Variants in PCDHGB4 observed in about 807,000 individuals in gnomAD.
PCDHGB4 encodes protocadherin gamma subfamily B, 4, also known as protocadherin gamma-B4.
In PCDHGB4, 38 loss-of-function variants were observed where a neutral mutation model predicts 60.5. That is an observed-to-expected ratio of 0.63 (90% CI 0.48 to 0.82). The LOEUF is 0.82. PCDHGB4 is among the 40% of genes least tolerant of loss of function. The pLI, the probability that PCDHGB4 is intolerant of heterozygous loss-of-function variation, is 0.00. For synonymous variants in PCDHGB4, 456 were observed against 509.7 expected (o/e 0.89, Z 1.42); for missense variants, 1,109 against 1,209.6 (o/e 0.92, Z 1.23).
Position 141,491,819 on chromosome 5 carries a change from G to C in PCDHGB4, c.2398-2988G>C. The C allele has an allele frequency of 6.7e-7, 1 of 1,482,028 alleles. No individual in the cohort carries two copies. Among genetic ancestry groups the C allele is most frequent in the Non-Finnish European group, 9.0e-7 (1 of 1,116,648 alleles). The allele number at this position is 1,482,028 out of a possible 1,614,324, so 91.8% of individuals were successfully genotyped here. A position where few individuals can be genotyped will look rare whatever the true frequency, so the allele number is the denominator to read the frequency against. On this transcript the variant is annotated intron_variant, in intron 1 of 3. Transcript: ENST00000519479. This position sits in a 1 kb window ranked among gnomAD's most constrained non-coding sequence, Gnocchi z 6.9. ...TCCGGCCGGCTTGGTCGCTGGCTGCGCTCCACCCGATTCTCGGGATCATTG... is the reference window on the plus strand; with the variant it reads ...TCCGGCCGGCTTGGTCGCTGGCTGCCCTCCACCCGATTCTCGGGATCATTG...
At chr5:141,463,784 T>G (rs2099069378) in intron 1 of PCDHGB4, among the ~76,000 whole-genome samples, 1 of 152,194 alleles carries the variant, frequency 6.6e-6, no homozygotes, top group South Asian at 2.1e-4. Context: ...CTGCACTGTC[T>G]TTTGAACAAA....
chr5:141,478,213 C>A (rs2099439229), intron 1 of PCDHGB4: 1 of 1,614,000 alleles, frequency 6.2e-7, no homozygotes, highest in Non-Finnish European at 8.5e-7. Context: ...TTTCTCTAAT[C>A]CTGGTTTCTG....
At chr5:141,401,296 C>A (rs2094138441) in intron 1 of PCDHGB4, among the ~76,000 whole-genome samples, 1 of 152,104 alleles carries the variant, frequency 6.6e-6, no homozygotes, top group Non-Finnish European at 1.5e-5. Flanking sequence ...GAGCCGAGAT[C>A]ACTCCATTGC....
In PCDHGB4 at chr5:141,432,129, A is replaced by T. The variant is rs758099753; in HGVS notation, c.2397+41848A>T. The T allele has an allele frequency of 6.2e-6, 10 of 1,614,054 alleles. No individual in the cohort carries two copies. In the South Asian group the frequency reaches 8.8e-5, roughly 14 times the overall value. On this transcript the variant is annotated intron_variant, in intron 1 of 3. Transcript: ENST00000519479. This position sits in a 1 kb window ranked among gnomAD's most constrained non-coding sequence, Gnocchi z 6.0. ...CCGCCGGTCTTCCCTCAGGCCTCCTATTCCGCTTATATCCCAGAGAACAAT... is the reference window on the plus strand; with the variant it reads ...CCGCCGGTCTTCCCTCAGGCCTCCTTTTCCGCTTATATCCCAGAGAACAAT...
rs1244735686 is a variant in PCDHGB4 at position 141,432,142 on chromosome 5, C to A, written c.2397+41861C>A. 1 of 1,614,098 alleles carries A rather than the reference C, an allele frequency of 6.2e-7. No homozygotes were observed. The highest frequency in any genetic ancestry group is 1.1e-5 in the South Asian group (1 of 91,066). On this transcript the variant is annotated intron_variant, in intron 1 of 3. Transcript: ENST00000519479. This position sits in a 1 kb window ranked among gnomAD's most constrained non-coding sequence, Gnocchi z 6.0. ...CTCAGGCCTCCTATTCCGCTTATAT[C>A]CCAGAGAACAATCCCAGAGGAGTTT...
Position 141,389,501 on chromosome 5 carries a change from G to A in PCDHGB4, c.1617G>A (p.Ala539=), listed in dbSNP as rs752472089. 3.7e-6 allele frequency: 6 copies of A among 1,613,066 alleles called. No homozygotes were observed. The highest frequency in any genetic ancestry group is 5.1e-6 in the Non-Finnish European group (6 of 1,179,748). ...TLQARDQGSP[A]LSANVSLRVL... ...AGGCCCGCGACCAGGGCTCGCCAGC[G>A]CTCAGCGCGAACGTGAGCCTGCGCG... The change falls in exon 1 of 4, where the codon GCG becomes GCA. Residue 539 remains alanine, a synonymous_variant. Coordinates refer to ENST00000519479, the MANE Select transcript of PCDHGB4 (RefSeq NM_003736.4).
intron 1 of PCDHGB4, chr5:141,393,560 G>A (rs1448273528): frequency 1.5e-5 from 24 of 1,613,796 alleles, no homozygotes; most frequent in Non-Finnish European, 2.0e-5. Context: ...TTTACCGAGT[G>A]AAAGTCCTTG....
intron 1 of PCDHGB4, chr5:141,478,323 G>T (rs1234175290): frequency 1.2e-6 from 2 of 1,613,958 alleles, no homozygotes; most frequent in African/African-American, 2.7e-5. Context: ...TCACTGTACC[G>T]AACACCAGGG....
At chr5:141,400,681 T>C in intron 1 of PCDHGB4, 1 of 834,118 alleles carries the variant, frequency 1.2e-6, no homozygotes, top group Non-Finnish European at 1.9e-6. Flanking sequence ...CAGTAAATTG[T>C]GAGTTTTTAT....
Position 141,491,793 on chromosome 5 carries a change from C to T in PCDHGB4, c.2398-3014C>T, listed in dbSNP as rs2099730341. 4.0e-6 allele frequency: 6 copies of T among 1,511,410 alleles called. No individual in the cohort carries two copies. Among genetic ancestry groups the T allele is most frequent in the East Asian group, 2.5e-5 (1 of 40,660 alleles). The allele number at this position is 1,511,410 out of a possible 1,614,324, so 93.6% of individuals were successfully genotyped here. A position where few individuals can be genotyped will look rare whatever the true frequency, so the allele number is the denominator to read the frequency against. On this transcript the variant is annotated intron_variant, in intron 1 of 3. Transcript: ENST00000519479. This position sits in a 1 kb window ranked among gnomAD's most constrained non-coding sequence, Gnocchi z 6.9. ...AGGGATTGAACTTGCATCCACTCCT[C>T]TCCGGCCGGCTTGGTCGCTGGCTGC...
Position 141,477,200 on chromosome 5 carries a change from C to T in PCDHGB4, c.2398-17607C>T. ...AGTCACCTCCGTGTACAGCCCAGTACCCGAGGATGCCCCTCTGGGGACTGT... is the reference window on the plus strand; with the variant it reads ...AGTCACCTCCGTGTACAGCCCAGTATCCGAGGATGCCCCTCTGGGGACTGT... On this transcript the variant is annotated intron_variant, in intron 1 of 3. Transcript: ENST00000519479. This position sits in a 1 kb window ranked among gnomAD's most constrained non-coding sequence, Gnocchi z 4.9. The T allele has an allele frequency of 1.2e-6, 2 of 1,614,206 alleles. No individual in the cohort carries two copies. The highest frequency in any genetic ancestry group is 1.3e-5 in the African/African-American group (1 of 75,056).
chr5:141,501,030 A>G (rs2099805050), intron 2 of PCDHGB4, among the ~76,000 whole-genome samples: 1 of 151,848 alleles, frequency 6.6e-6, no homozygotes, highest in Admixed American at 6.6e-5. Flanking sequence ...CACCACGCCC[A>G]GCTAATTTTT....
intron 1 of PCDHGB4, chr5:141,413,664 T>A: frequency 6.2e-7 from 1 of 1,613,858 alleles, no homozygotes; most frequent in Non-Finnish European, 8.5e-7. Flanking sequence ...AAGCTATTGA[T>A]CCGGATGTGG....
intron 1 of PCDHGB4, chr5:141,394,644 G>C (rs765703225): frequency 1.2e-6 from 2 of 1,613,358 alleles, no homozygotes; most frequent in Admixed American, 3.3e-5. Context: ...CCTGCTCAAG[G>C]CCAGCGAGCC....
chr5:141,495,892 TTGTCTC>T (rs1035324353), intron 2 of PCDHGB4, among the ~76,000 whole-genome samples: 1 of 152,198 alleles, frequency 6.6e-6, no homozygotes, highest in Admixed American at 6.5e-5. Flanking sequence ...TTGTCTCTCT[TTGTCTC>T]TGTCTCTGTA....
At chr5:141,433,828 ACT>A (rs1431945413) in intron 1 of PCDHGB4, among the ~76,000 whole-genome samples, 2 of 142,254 alleles carry the variant, frequency 1.4e-5, no homozygotes, top group Admixed American at 7.0e-5. Flanking sequence ...CAAGAGTGAA[ACT>A]CTATCTCAAA....
At chr5:141,398,375 A>C in intron 1 of PCDHGB4, 2 of 1,437,542 alleles carry the variant, frequency 1.4e-6, no homozygotes, top group East Asian at 4.7e-5. Flanking sequence ...GAGAGCGGGG[A>C]GTTGCTTGTG....
chr5:141,420,187 C>T (rs1369031488), intron 1 of PCDHGB4: 7 of 1,613,824 alleles, frequency 4.3e-6, no homozygotes, highest in Non-Finnish European at 5.9e-6. Context: ...ATTGTCCAGC[C>T]ACACAAGATA....
intron 1 of PCDHGB4, chr5:141,399,900 C>A (rs752796935): frequency 6.2e-7 from 1 of 1,612,532 alleles, no homozygotes; most frequent in African/African-American, 1.3e-5. Flanking sequence ...TGGCCGTGGA[C>A]GCAGACTCAG....
Sources: allele counts gnomAD v4.1 joint callset (sites outside exome capture counted in the v4.1 genomes callset), GRCh38; gene constraint gnomAD v4.1.1; non-coding constraint Gnocchi (gnomAD v3.1); transcripts MANE v1.5; gene names NCBI Gene and HGNC (gene_info 2026-07-23, HGNC 2026-07-21).